The following ZMYM2 variants were observed in gnomAD, a reference collection of about 807,000 sequenced individuals.
The protein encoded by ZMYM2 is zinc finger MYM-type protein 2.
A neutral mutation model predicts 162.8 loss-of-function variants in ZMYM2; 56 were observed. The observed-to-expected ratio is 0.34, with a 90% CI of 0.28 to 0.43. The LOEUF (loss-of-function observed/expected upper bound fraction) is 0.43. Ranked by LOEUF, ZMYM2 falls within the 20% of genes least tolerant of loss-of-function variation. The pLI, the probability that ZMYM2 is intolerant of heterozygous loss-of-function variation, is 1.00. For synonymous variants in ZMYM2, 510 were observed against 541.6 expected (o/e 0.94, Z 0.81); for missense variants, 1,275 against 1,621.8 (o/e 0.79, Z 3.67).
At chr13:19,882,278 T>G in the ZMYM2 span, among the ~76,000 whole-genome samples, 3 of 152,156 alleles carry the variant, frequency 2.0e-5, no homozygotes, top group Non-Finnish European at 4.4e-5. Flanking sequence ...ATAATGTATC[T>G]GATAAAGTTT....
intron 24 of ZMYM2, among the ~76,000 whole-genome samples, chr13:20,084,542 A>G (rs866867698): frequency 7.2e-5 from 11 of 152,184 alleles, no homozygotes; most frequent in African/African-American, 2.4e-4. Flanking sequence ...TAGTTTGCCA[A>G]TGCCCGGTGT....
intron 6 of ZMYM2, among the ~76,000 whole-genome samples, chr13:20,011,573 G>GTTTTTTTTTTTTTT (rs764404253): frequency 4.9e-5 from 7 of 144,204 alleles, no homozygotes; most frequent in African/African-American, 7.9e-5. Context: ...TTATTTTTTT[G>GTTTTTTTTTTTTTT]TTTTATTTTT....
intron 17 of ZMYM2, 113 bp from the exon 18 acceptor site, chr13:20,062,733 C>T (rs150019513): frequency 4.1e-4 from 444 of 1,071,720 alleles, no homozygotes; most frequent in East Asian, 8.8e-4. Flanking sequence ...TGACATTATA[C>T]GTATTTTTTT....
chr13:20,048,708 A>G (rs1177386055), intron 12 of ZMYM2, among the ~76,000 whole-genome samples: 1 of 151,964 alleles, frequency 6.6e-6, no homozygotes, highest in Non-Finnish European at 1.5e-5. Context: ...CAGTTATTGA[A>G]AATGAAATTT....
At chr13:20,017,615 C>CTTTT (rs143348416) in intron 6 of ZMYM2, among the ~76,000 whole-genome samples, 4 of 146,706 alleles carry the variant, frequency 2.7e-5, no homozygotes, top group Non-Finnish European at 4.5e-5. Flanking sequence ...ATGAATGTTA[C>CTTTT]TTTTTTTTTT....
At chr13:19,929,530 G>A in the ZMYM2 span, among the ~76,000 whole-genome samples, 7 of 152,074 alleles carry the variant, frequency 4.6e-5, no homozygotes, top group Admixed American at 1.3e-4. Flanking sequence ...GAGCCACCGC[G>A]CCCAGCCTTC....
the ZMYM2 span, among the ~76,000 whole-genome samples, chr13:19,907,594 T>C: frequency 1.3e-5 from 2 of 151,794 alleles, no homozygotes; most frequent in African/African-American, 4.8e-5. Flanking sequence ...ACCCTGTCTC[T>C]ACTAAAAATA....
chr13:20,076,589 A>G (rs768882853), intron 21 of ZMYM2, among the ~76,000 whole-genome samples: 127 of 150,144 alleles, frequency 8.5e-4, no homozygotes, highest in Non-Finnish European at 1.3e-3. Context: ...TCATTTTTCC[A>G]AATTTTTCTC....
At chr13:19,918,956 A>G in the ZMYM2 span, among the ~76,000 whole-genome samples, 24 of 152,266 alleles carry the variant, frequency 1.6e-4, no homozygotes, top group South Asian at 5.0e-3. Flanking sequence ...CAGCTGAAAC[A>G]TTGAACTGTT....
chr13:19,902,752 C>G, the ZMYM2 span, among the ~76,000 whole-genome samples: 1 of 152,162 alleles, frequency 6.6e-6, no homozygotes, highest in Non-Finnish European at 1.5e-5. Context: ...ATGGGTGACA[C>G]CCATAATCCC....
chr13:19,913,726 G>A, the ZMYM2 span, among the ~76,000 whole-genome samples: 13 of 152,256 alleles, frequency 8.5e-5, no homozygotes, highest in East Asian at 2.5e-3. Flanking sequence ...ATAAGACTCT[G>A]TCTCAAAAAC....
At chr13:19,908,046 G>A in the ZMYM2 span, among the ~76,000 whole-genome samples, 12 of 152,268 alleles carry the variant, frequency 7.9e-5, no homozygotes, top group Middle Eastern at 0.01. Flanking sequence ...CCAGCACTAT[G>A]TGAGGCCAAG....
chr13:19,964,781 A>G (rs1247221247), intron 2 of ZMYM2, among the ~76,000 whole-genome samples: 2 of 151,690 alleles, frequency 1.3e-5, no homozygotes, highest in African/African-American at 4.8e-5. Flanking sequence ...TTGTGAATTT[A>G]TAAGTTAGTC....
chr13:19,937,482 G>A, the ZMYM2 span, among the ~76,000 whole-genome samples: 104 of 135,218 alleles, frequency 7.7e-4, 1 homozygote, highest in African/African-American at 2.6e-3. Flanking sequence ...TTTTGAGACA[G>A]AGTCTCAGTC....
chr13:20,086,242 A>T lies in ZMYM2; in HGVS notation c.*228A>T. On this transcript the variant is annotated 3_prime_UTR_variant, in exon 25 of 25. Transcript: ENST00000610343. The stretch of plus-strand genomic sequence containing the variant: ...ACATTCAAATTCTTTTTTTATTATT[A>T]TTTATTTGATTAGGTATGTTTGTAA... 3.0e-6 allele frequency: 1 copy of T among 336,608 alleles called. No individual in the cohort carries two copies. The allele number at this position is 336,608 out of a possible 1,614,324, so 20.9% of individuals were successfully genotyped here.
At chr13:20,006,110 A>T (rs112307208) in intron 5 of ZMYM2, among the ~76,000 whole-genome samples, 22 of 152,100 alleles carry the variant, frequency 1.4e-4, no homozygotes, top group Non-Finnish European at 3.2e-4. Context: ...GTGTGTGTCT[A>T]TAGTCTCAGC....
chr13:19,981,321 C>T (rs1260738851), intron 2 of ZMYM2, among the ~76,000 whole-genome samples: 1 of 151,714 alleles, frequency 6.6e-6, no homozygotes, highest in South Asian at 2.1e-4. Context: ...AAACAAAAAA[C>T]AAACCCCAAA....
chr13:20,072,795 C>G (rs1957187240), intron 21 of ZMYM2, among the ~76,000 whole-genome samples: 1 of 152,068 alleles, frequency 6.6e-6, no homozygotes, highest in Non-Finnish European at 1.5e-5. Context: ...TTTTGTCTTT[C>G]AAGAAATGAT....
chr13:19,906,119 C>T, the ZMYM2 span, among the ~76,000 whole-genome samples: 229 of 150,614 alleles, frequency 1.5e-3, no homozygotes, highest in African/African-American at 5.2e-3. Flanking sequence ...CTACTAAATA[C>T]AAAAAATTAG....
Sources: gnomAD v4.1 joint callset for allele counts (sites outside exome capture counted in the v4.1 genomes callset) on GRCh38, gnomAD v4.1.1 for gene constraint, MANE v1.5 for transcripts, NCBI Gene and HGNC (gene_info 2026-07-23, HGNC 2026-07-21) for gene names.